WDR70: variants seen among roughly 807,000 people sequenced by gnomAD.
WDR70 encodes the protein WD repeat domain 70.
Under a neutral mutation model 88.6 loss-of-function variants are expected in WDR70, and 53 were observed. The ratio of observed to expected loss-of-function variants is 0.60; its 90% CI spans 0.48 to 0.75. WDR70 has a LOEUF of 0.75. Among genes scored for constraint, WDR70 ranks in the 30% least tolerant of loss-of-function variants. The pLI, the probability that WDR70 is intolerant of heterozygous loss-of-function variation, is 0.00. For synonymous variants in WDR70, 280 were observed against 270.0 expected, an observed-to-expected ratio of 1.04 and a Z score of -0.36; for missense variants, 610 against 823.2, an observed-to-expected ratio of 0.74 and a Z score of 3.17.
intron 9 of WDR70, among the ~76,000 whole-genome samples, chr5:37,546,904 G>C (rs533368454): frequency 6.6e-6 from 1 of 150,892 alleles, no homozygotes; most frequent in African/African-American, 2.4e-5. Context: ...GCAACAGAGT[G>C]AGACTCTGTC....
chr5:37,560,473 G>C (rs886685119), intron 9 of WDR70, among the ~76,000 whole-genome samples: 2 of 152,076 alleles, frequency 1.3e-5, no homozygotes, highest in Non-Finnish European at 2.9e-5. Flanking sequence ...CTGGTAAGCT[G>C]TATGTCTATA....
chr5:37,496,246 C>G (rs377604957), intron 8 of WDR70, among the ~76,000 whole-genome samples: 1 of 152,128 alleles, frequency 6.6e-6, no homozygotes, highest in East Asian at 1.9e-4. Context: ...AGCCAGCTGC[C>G]GCCACCTGCT....
At chr5:37,609,095 C>T (rs1194233354) in intron 10 of WDR70, among the ~76,000 whole-genome samples, 1 of 152,174 alleles carries the variant, frequency 6.6e-6, no homozygotes, top group Admixed American at 6.5e-5. Flanking sequence ...CATAAAAACA[C>T]TATCCTAGTT....
At chr5:37,515,019 G>GAAAAA (rs770128168) in intron 8 of WDR70, among the ~76,000 whole-genome samples, 1 of 53,010 alleles carries the variant, frequency 1.9e-5, no homozygotes. Flanking sequence ...CCTGTCTCAA[G>GAAAAA]AAAAAAAAAA....
intron 8 of WDR70, among the ~76,000 whole-genome samples, chr5:37,498,535 C>T (rs1740300111): frequency 6.6e-6 from 1 of 152,182 alleles, no homozygotes; most frequent in Non-Finnish European, 1.5e-5. Context: ...TTCTCACCTG[C>T]CCAGTATTAC....
At chr5:37,525,261 G>A (rs1163978868) in intron 9 of WDR70, among the ~76,000 whole-genome samples, 2 of 152,134 alleles carry the variant, frequency 1.3e-5, no homozygotes, top group Admixed American at 1.3e-4. Context: ...TAAAAGAACA[G>A]AAATTATAAA....
chr5:37,619,171 G>A (rs1332343778), intron 10 of WDR70, among the ~76,000 whole-genome samples: 1 of 151,990 alleles, frequency 6.6e-6, no homozygotes, highest in Non-Finnish European at 1.5e-5. Context: ...GCATGAAATA[G>A]GGGAAGCATG....
At chr5:37,436,681 C>A (rs1750475431) in intron 5 of WDR70, among the ~76,000 whole-genome samples, 1 of 152,000 alleles carries the variant, frequency 6.6e-6, no homozygotes, top group Non-Finnish European at 1.5e-5. Flanking sequence ...AGTGGGGACA[C>A]TGAGGGAAGC....
chr5:37,420,582 G>C (rs1749915325), intron 5 of WDR70, among the ~76,000 whole-genome samples: 1 of 152,062 alleles, frequency 6.6e-6, no homozygotes. Flanking sequence ...TAGGAACAAA[G>C]GTGCATGCCA....
intron 17 of WDR70, among the ~76,000 whole-genome samples, chr5:37,751,614 G>A (rs1193149166): frequency 5.3e-5 from 8 of 152,166 alleles, no homozygotes; most frequent in Admixed American, 5.2e-4. Context: ...CTGGAATTAC[G>A]TGGATATAAT....
intron 11 of WDR70, among the ~76,000 whole-genome samples, chr5:37,699,017 A>G (rs1360111706): frequency 2.6e-5 from 4 of 152,222 alleles, no homozygotes; most frequent in African/African-American, 9.6e-5. Flanking sequence ...ATTTAAAACA[A>G]TGGTTCTCAT....
At chr5:37,586,871 T>C (rs900184700) in intron 9 of WDR70, among the ~76,000 whole-genome samples, 6 of 152,166 alleles carry the variant, frequency 3.9e-5, no homozygotes, top group Non-Finnish European at 8.8e-5. Flanking sequence ...CCAGACCCTA[T>C]ACAACAAGAT....
chr5:37,385,838 C>G (rs2111860276), intron 3 of WDR70, among the ~76,000 whole-genome samples: 1 of 152,188 alleles, frequency 6.6e-6, no homozygotes, highest in African/African-American at 2.4e-5. Context: ...GAGTCTTGCT[C>G]TGTCGCCCAG....
At chr5:37,714,945 A>C (rs1747614482) in intron 13 of WDR70, among the ~76,000 whole-genome samples, 1 of 152,136 alleles carries the variant, frequency 6.6e-6, no homozygotes, top group South Asian at 2.1e-4. Context: ...TCTCATGATG[A>C]AATTCTTTAA....
At chr5:37,666,894 A>G (rs1745857321) in intron 10 of WDR70, among the ~76,000 whole-genome samples, 2 of 152,170 alleles carry the variant, frequency 1.3e-5, no homozygotes, top group African/African-American at 4.8e-5. Flanking sequence ...TGGGGATAAT[A>G]ATAGTACTTA....
rs376985405 is a variant in WDR70 at position 37,442,451 on chromosome 5, G to A, written c.553-788G>A. On this transcript the variant is annotated intron_variant, in intron 6 of 17. Coordinates refer to ENST00000265107, the MANE Select transcript of WDR70 (RefSeq NM_018034.4). Reference sequence around the variant, plus strand: ...CCTCCCAAGTTCAAGCAATTTTTGTGCCTCAGCATTACAGGTGCATGCCTC... The same window carrying A: ...CCTCCCAAGTTCAAGCAATTTTTGTACCTCAGCATTACAGGTGCATGCCTC... 2.4e-4 allele frequency among the ~76,000 whole-genome samples: 37 copies of A among 151,642 alleles called. No individual in the cohort carries two copies. In the East Asian group the frequency reaches 7.0e-3, roughly 29 times the overall value.
chr5:37,449,334 G>C (rs1738591545), intron 7 of WDR70, among the ~76,000 whole-genome samples: 1 of 152,090 alleles, frequency 6.6e-6, no homozygotes, highest in Non-Finnish European at 1.5e-5. Context: ...GCTCACGCCT[G>C]TAATCCCAGC....
chr5:37,681,457 A>G (rs895736953), intron 10 of WDR70, among the ~76,000 whole-genome samples: 1 of 152,156 alleles, frequency 6.6e-6, no homozygotes, highest in Non-Finnish European at 1.5e-5. Flanking sequence ...CAGGACTTCC[A>G]ATACTATGTT....
intron 10 of WDR70, among the ~76,000 whole-genome samples, chr5:37,692,032 C>T (rs1171448936): frequency 3.3e-5 from 5 of 152,056 alleles, no homozygotes; most frequent in African/African-American, 7.2e-5. Context: ...ATATCACCAC[C>T]GATCCCACAG....
Sources: allele counts gnomAD v4.1 joint callset (sites outside exome capture counted in the v4.1 genomes callset), GRCh38; gene constraint gnomAD v4.1.1; transcripts MANE v1.5; gene names NCBI Gene and HGNC (gene_info 2026-07-23, HGNC 2026-07-21).